Variants in SCLT1 observed in about 807,000 individuals in gnomAD.
SCLT1 encodes the protein sodium channel and clathrin linker 1.
Under a neutral mutation model 112.8 loss-of-function variants are expected in SCLT1, and 78 were observed. That is an observed-to-expected ratio of 0.69 (90% CI 0.58 to 0.83). The LOEUF is 0.83. Among genes scored for constraint, SCLT1 ranks in the 40% least tolerant of loss-of-function variants. The probability of loss-of-function intolerance (pLI) is 0.00; values close to 1 mark genes in which losing one functional copy is unlikely to be tolerated. For missense variants in SCLT1, 747 were observed against 770.4 expected (o/e 0.97, Z 0.36); for synonymous variants, 257 against 254.7 (o/e 1.01, Z -0.09).
chr4:128,926,620 G>A (rs952111164), intron 18 of SCLT1, among the ~76,000 whole-genome samples: 7 of 151,944 alleles, frequency 4.6e-5, no homozygotes, highest in African/African-American at 1.7e-4. Flanking sequence ...GAATAGTATT[G>A]TTCATATATA....
chr4:128,945,310 T>C (rs912115445), intron 16 of SCLT1, among the ~76,000 whole-genome samples: 2 of 152,172 alleles, frequency 1.3e-5, no homozygotes, highest in Admixed American at 6.6e-5. Context: ...TCTTAGTACA[T>C]ACAAGATTTA....
At position 129,003,869 on chromosome 4, in the gene SCLT1, T is replaced by C. The variant is rs1448932066; in HGVS notation, c.298A>G (p.Ser100Gly). Residue 100 changes from serine to glycine, a missense_variant, in exon 6 of 21, where the codon AGT (serine) becomes GGT (glycine). By Grantham distance (56) the Ser-to-Gly change is moderately conservative (BLOSUM62 0). Coordinates refer to ENST00000281142, the MANE Select transcript of SCLT1 (RefSeq NM_144643.4). Reference sequence around the variant, plus strand: ...TTTTCAACAGCATCTTTTAATTCACTGTGCAACCTTTGAAACAAATAGTTA... The same window carrying C: ...TTTTCAACAGCATCTTTTAATTCACCGTGCAACCTTTGAAACAAATAGTTA... ...NVIKENERLHSELKDAVEKKL... is the reference protein window; with the variant it reads ...NVIKENERLHGELKDAVEKKL... 1 of 1,610,902 alleles carries C rather than the reference T, an allele frequency of 6.2e-7. No individual in the cohort carries two copies. The highest frequency in any genetic ancestry group is 2.2e-5 in the East Asian group (1 of 44,668).
intron 5 of SCLT1, among the ~76,000 whole-genome samples, chr4:129,033,787 A>C (rs1746955162): frequency 6.6e-6 from 1 of 152,152 alleles, no homozygotes; most frequent in Admixed American, 6.6e-5. Context: ...GAGTGACTTA[A>C]GACTAGTAAC....
intron 18 of SCLT1, among the ~76,000 whole-genome samples, chr4:128,927,878 CA>C (rs996909583): frequency 3.3e-4 from 49 of 150,134 alleles, no homozygotes; most frequent in Non-Finnish European, 2.8e-4. Context: ...AGAGTGATAA[CA>C]AAAAAAAGAG....
rs778801518 is a variant in SCLT1, at chr4:129,082,294, T to G, written c.102+12A>C. The G allele has an allele frequency of 1.7e-5, 22 of 1,300,614 alleles. No individual in the cohort carries two copies. The highest frequency in any genetic ancestry group is 2.3e-5 in the Non-Finnish European group (22 of 946,372). 80.6% of individuals were successfully genotyped at this position (1,300,614 alleles called of 1,614,324 possible). ...TGAGAATATTCCCAAGTAGAATTTA[T>G]AATTTACATACCTGTACAGATGAAT... On this transcript the variant is annotated intron_variant, in intron 2 of 20. Transcript: ENST00000281142.
intron 2 of SCLT1, among the ~76,000 whole-genome samples, chr4:129,077,860 G>A (rs1362046929): frequency 1.3e-5 from 2 of 152,146 alleles, no homozygotes; most frequent in Admixed American, 1.3e-4. Context: ...GAACCCTCTA[G>A]GGATGCATTA....
intron 2 of SCLT1, among the ~76,000 whole-genome samples, chr4:129,068,147 G>A (rs950119855): frequency 9.9e-5 from 15 of 152,146 alleles, no homozygotes; most frequent in African/African-American, 3.6e-4. Flanking sequence ...ATCTCATCCA[G>A]GTTGCTGCAA....
intron 2 of SCLT1, among the ~76,000 whole-genome samples, chr4:129,049,892 A>T (rs974774550): frequency 1.3e-5 from 2 of 151,894 alleles, no homozygotes; most frequent in Non-Finnish European, 2.9e-5. Context: ...TTCCCCTTAC[A>T]TGCCACCCAC....
intron 9 of SCLT1, among the ~76,000 whole-genome samples, chr4:128,989,850 G>C (rs1742410759): frequency 6.6e-6 from 1 of 151,590 alleles, no homozygotes; most frequent in Non-Finnish European, 1.5e-5. Flanking sequence ...AGAAAATCTA[G>C]AAGAAATGAA....
intron 2 of SCLT1, among the ~76,000 whole-genome samples, chr4:129,067,804 G>A (rs1750623263): frequency 1.3e-5 from 2 of 151,768 alleles, no homozygotes; most frequent in Non-Finnish European, 2.9e-5. Context: ...GAGCCACCAT[G>A]CCTGGCAAAG....
At chr4:128,887,142 A>G (rs1399766124) in intron 20 of SCLT1, among the ~76,000 whole-genome samples, 3 of 152,126 alleles carry the variant, frequency 2.0e-5, no homozygotes, top group African/African-American at 7.2e-5. Context: ...CTTTTACTTA[A>G]TGGCACTAAA....
At chr4:129,054,984 C>T (rs529004433) in intron 2 of SCLT1, among the ~76,000 whole-genome samples, 4 of 152,182 alleles carry the variant, frequency 2.6e-5, no homozygotes, top group Non-Finnish European at 2.9e-5. Context: ...TACTGGTTTC[C>T]GTTTTTTAGC....
chr4:129,016,487 A>G (rs1745007737), intron 5 of SCLT1, among the ~76,000 whole-genome samples: 1 of 152,118 alleles, frequency 6.6e-6, no homozygotes, highest in Non-Finnish European at 1.5e-5. Flanking sequence ...ACTGCCTATT[A>G]TTTCTAATGA....
chr4:128,935,764 TA>T (rs1473492490), intron 18 of SCLT1, among the ~76,000 whole-genome samples: 1 of 152,122 alleles, frequency 6.6e-6, no homozygotes, highest in Non-Finnish European at 1.5e-5. Context: ...ATAATTTTCC[TA>T]AACTTTACAT....
chr4:128,904,274 T>G (rs1037699754), intron 18 of SCLT1, among the ~76,000 whole-genome samples: 1 of 152,278 alleles, frequency 6.6e-6, no homozygotes, highest in African/African-American at 2.4e-5. Context: ...AGTGCTTAGT[T>G]CATCAGTGTC....
At chr4:128,994,676 G>C (rs1472334277) in intron 8 of SCLT1, among the ~76,000 whole-genome samples, 2 of 152,040 alleles carry the variant, frequency 1.3e-5, no homozygotes, top group African/African-American at 4.8e-5. Context: ...TTCAACACGT[G>C]TTGTCTTTTT....
chr4:128,901,478 A>G (rs1356933018), intron 18 of SCLT1, among the ~76,000 whole-genome samples: 2 of 146,532 alleles, frequency 1.4e-5, no homozygotes, highest in Non-Finnish European at 3.0e-5. Flanking sequence ...CAATGAGAAC[A>G]CAGGGACACA....
chr4:129,047,535 C>T (rs1428375406), intron 2 of SCLT1, among the ~76,000 whole-genome samples: 1 of 151,986 alleles, frequency 6.6e-6, no homozygotes, highest in Non-Finnish European at 1.5e-5. Context: ...CAAAATAGTT[C>T]TAGTTTTAAT....
chr4:129,020,628 A>G (rs572858580), intron 5 of SCLT1, among the ~76,000 whole-genome samples: 1 of 152,352 alleles, frequency 6.6e-6, no homozygotes, highest in East Asian at 1.9e-4. Flanking sequence ...CTATAAGGCC[A>G]TATGAACTGG....
Sources: allele counts gnomAD v4.1 joint callset (sites outside exome capture counted in the v4.1 genomes callset), GRCh38; gene constraint gnomAD v4.1.1; transcripts MANE v1.5; gene names NCBI Gene and HGNC (gene_info 2026-07-23, HGNC 2026-07-21).